The following FMN2 variants were observed in gnomAD, a reference collection of about 807,000 sequenced individuals.
FMN2 encodes formin 2, also known as formin-2.
Under a neutral mutation model 142.3 loss-of-function variants are expected in FMN2, and 51 were observed. The observed-to-expected ratio is 0.36, with a 90% CI of 0.29 to 0.45. FMN2 has a LOEUF of 0.45. Among genes scored for constraint, FMN2 ranks in the 20% least tolerant of loss-of-function variants. FMN2 has a pLI of 1.00. For synonymous variants in FMN2, 882 were observed against 869.8 expected (o/e 1.01, Z -0.25); for missense variants, 1,936 against 2,122.8 (o/e 0.91, Z 1.73).
At chr1:240,194,461 G>T (rs1250343216) in intron 4 of FMN2, among the ~76,000 whole-genome samples, 2 of 152,194 alleles carry the variant, frequency 1.3e-5, no homozygotes, top group African/African-American at 4.8e-5. Context: ...TTGTACAGAG[G>T]TGACCAAGCA....
intron 15 of FMN2, among the ~76,000 whole-genome samples, chr1:240,403,646 A>G (rs1485428414): frequency 6.6e-6 from 1 of 152,194 alleles, no homozygotes; most frequent in Non-Finnish European, 1.5e-5. Flanking sequence ...AAAGATATCT[A>G]GAAAGATTAT....
chr1:240,195,316 T>C (rs1400705755), intron 4 of FMN2, among the ~76,000 whole-genome samples: 1 of 152,214 alleles, frequency 6.6e-6, no homozygotes, highest in East Asian at 1.9e-4. Context: ...AGAGTGTTTT[T>C]GTGGCTGTTT....
In FMN2 at chr1:240,449,919, A is replaced by G. The variant is rs143916108; in HGVS notation, c.5060+11709A>G. Among the ~76,000 whole-genome samples, 145 of 152,262 alleles carry G rather than the reference A, an allele frequency of 9.5e-4. 1 individual carries two copies. Among genetic ancestry groups the G allele is most frequent in the African/African-American group, 3.1e-3 (129 of 41,582 alleles). ...ACTTTTTGCGGTAAGAATACTTAAG[A>G]TCTTTAAGATCTGTTATCTTAGCAG... is the stretch of plus-strand genomic sequence containing the variant. On this transcript the variant is annotated intron_variant, in intron 16 of 17. Transcript: ENST00000319653.
chr1:240,405,728 ATAGT>A (rs1485109167), intron 15 of FMN2, among the ~76,000 whole-genome samples: 2 of 152,228 alleles, frequency 1.3e-5, no homozygotes, highest in Non-Finnish European at 2.9e-5. Flanking sequence ...CCAGAACTCA[ATAGT>A]TAAATAAATT....
chr1:240,329,620 C>T, intron 10 of FMN2, 152 bp downstream of exon 10: 1 of 1,069,242 alleles, frequency 9.4e-7, no homozygotes, highest in Non-Finnish European at 1.3e-6. Flanking sequence ...TTATGATTGA[C>T]CTTCAAGATC....
In FMN2 at chr1:240,262,497, G is replaced by A. The variant is rs552692106; in HGVS notation, c.4153+4465G>A. On this transcript the variant is annotated intron_variant, in intron 7 of 17. Coordinates refer to ENST00000319653, the MANE Select transcript of FMN2 (RefSeq NM_020066.5). ...AAGAGTATCCTACAGCTTCATAGTG[G>A]TAGTTCACTTCTGTGAAAATTGATT... Among the ~76,000 whole-genome samples the A allele has an allele frequency of 5.3e-5, 8 of 152,228 alleles. No individual in the cohort carries two copies. The South Asian group carries it at 1.7e-3, about 32-fold the overall frequency.
chr1:240,307,876 C>CT (rs1670468371), intron 8 of FMN2, among the ~76,000 whole-genome samples: 1 of 151,952 alleles, frequency 6.6e-6, no homozygotes, highest in African/African-American at 2.4e-5. Flanking sequence ...GCATGGAATG[C>CT]TTTTCCATTT....
intron 7 of FMN2, among the ~76,000 whole-genome samples, chr1:240,276,290 A>G (rs1669206416): frequency 6.6e-6 from 1 of 152,166 alleles, no homozygotes; most frequent in Non-Finnish European, 1.5e-5. Context: ...ACAAGGGTTG[A>G]GGTCTTGTCA....
intron 2 of FMN2, chr1:240,171,288 G>T (rs1186796690): frequency 1.4e-6 from 1 of 732,400 alleles, no homozygotes; most frequent in East Asian, 2.5e-5. Context: ...CTGTTGTGAA[G>T]ATTTAATTCA....
intron 14 of FMN2, among the ~76,000 whole-genome samples, chr1:240,361,194 T>G (rs1672470364): frequency 7.9e-6 from 1 of 126,608 alleles, no homozygotes; most frequent in Non-Finnish European, 1.8e-5. Context: ...TAAAAGAGTT[T>G]AAAGAAGGAA....
At chr1:240,304,397 T>G (rs1670304896) in intron 8 of FMN2, among the ~76,000 whole-genome samples, 1 of 152,254 alleles carries the variant, frequency 6.6e-6, no homozygotes, top group African/African-American at 2.4e-5. Flanking sequence ...GTGCCAAGGA[T>G]AAGCCTGAAG....
At chr1:240,194,310 C>A (rs767292557) in intron 4 of FMN2, among the ~76,000 whole-genome samples, 10 of 152,096 alleles carry the variant, frequency 6.6e-5, no homozygotes, top group Non-Finnish European at 1.3e-4. Context: ...GGGCACAAAT[C>A]CCAGTTATTC....
chr1:240,288,017 G>A (rs1295698594), intron 7 of FMN2, among the ~76,000 whole-genome samples: 1 of 152,114 alleles, frequency 6.6e-6, no homozygotes, highest in Non-Finnish European at 1.5e-5. Context: ...ATTTATGAAA[G>A]GACAATCAGA....
chr1:240,397,616 C>T (rs1038808616), intron 15 of FMN2, among the ~76,000 whole-genome samples: 1 of 151,754 alleles, frequency 6.6e-6, no homozygotes, highest in Non-Finnish European at 1.5e-5. Context: ...TGGCAAAACC[C>T]TGTCTCTACT....
Position 240,161,001 on chromosome 1 carries a change from A to G in FMN2, c.1783-16920A>G, listed in dbSNP as rs1664252718. On this transcript the variant is annotated intron_variant, in intron 2 of 17. Coordinates refer to ENST00000319653, the MANE Select transcript of FMN2 (RefSeq NM_020066.5). ...CAGTATTAAAAACATCAAATAATCT[A>G]AGAAGACACTGAACAGACATGTGCA... Among the ~76,000 whole-genome samples, 4 of 152,240 alleles carry G rather than the reference A, an allele frequency of 2.6e-5. No homozygotes were observed. The South Asian group carries it at 8.3e-4, about 32-fold the overall frequency.
chr1:240,289,162 A>G (rs1490071780), intron 7 of FMN2, among the ~76,000 whole-genome samples: 1 of 152,194 alleles, frequency 6.6e-6, no homozygotes, highest in Non-Finnish European at 1.5e-5. Context: ...CAGGTCACAC[A>G]GGAAAGATTA....
rs777818724 is a variant in FMN2 at position 240,092,052 on chromosome 1, G to A, written c.-58G>A. The A allele has an allele frequency of 6.7e-7, 1 of 1,500,056 alleles. No homozygotes were observed. Among genetic ancestry groups the A allele is most frequent in the Non-Finnish European group, 8.9e-7 (1 of 1,128,574 alleles). 92.9% of individuals were successfully genotyped at this position (1,500,056 alleles called of 1,614,324 possible). A position where few individuals can be genotyped will look rare whatever the true frequency, so the allele number is the denominator to read the frequency against. Reference sequence around the variant, plus strand: ...TCCCTAGGCCCGGACCTGGGGCCGAGGAGGGCCGGGATGGCCTGAGTGCCC... The same window carrying A: ...TCCCTAGGCCCGGACCTGGGGCCGAAGAGGGCCGGGATGGCCTGAGTGCCC... On this transcript the variant is annotated 5_prime_UTR_variant, in exon 1 of 18. Coordinates refer to ENST00000319653, the MANE Select transcript of FMN2 (RefSeq NM_020066.5).
intron 13 of FMN2, among the ~76,000 whole-genome samples, chr1:240,338,326 A>C (rs1040866849): frequency 6.6e-6 from 1 of 152,224 alleles, no homozygotes; most frequent in African/African-American, 2.4e-5. Flanking sequence ...TACAACTACT[A>C]GTTTGTAACT....
chr1:240,194,735 G>GAT (rs1465122076), intron 4 of FMN2, among the ~76,000 whole-genome samples: 1 of 152,218 alleles, frequency 6.6e-6, no homozygotes, highest in Non-Finnish European at 1.5e-5. Context: ...TTATCTTTGG[G>GAT]ATGCAGCCTT....
Sources: allele counts gnomAD v4.1 joint callset (sites outside exome capture counted in the v4.1 genomes callset), GRCh38; gene constraint gnomAD v4.1.1; transcripts MANE v1.5; gene names NCBI Gene and HGNC (gene_info 2026-07-23, HGNC 2026-07-21).